The following CD96 variants were observed in gnomAD, a reference collection of about 807,000 sequenced individuals.
CD96 encodes the protein CD96 molecule.
CD96 carries 70 observed loss-of-function variants against 71.3 expected under a neutral mutation model. The ratio of observed to expected loss-of-function variants is 0.98; its 90% CI spans 0.81 to 1.20. The LOEUF (loss-of-function observed/expected upper bound fraction) is 1.20. Ranked by LOEUF, CD96 falls within the 50% of genes most tolerant of loss-of-function variation. The pLI, the probability that CD96 is intolerant of heterozygous loss-of-function variation, is 0.00. For missense variants in CD96, 742 were observed against 677.5 expected (o/e 1.10, Z -1.06); for synonymous variants, 248 against 233.0 (o/e 1.06, Z -0.59).
chr3:111,563,409 C>A (rs966537829), intron 2 of CD96, among the ~76,000 whole-genome samples: 1 of 152,208 alleles, frequency 6.6e-6, no homozygotes, highest in African/African-American at 2.4e-5. Flanking sequence ...TTGCAACCAG[C>A]TCCATGTGGC....
intron 2 of CD96, among the ~76,000 whole-genome samples, chr3:111,550,157 A>G (rs1934623132): frequency 6.6e-6 from 1 of 152,212 alleles, no homozygotes; most frequent in African/African-American, 2.4e-5. Flanking sequence ...AGGAATAGCC[A>G]TCAATTATAA....
At chr3:111,554,689 G>A (rs996859510) in intron 2 of CD96, among the ~76,000 whole-genome samples, 6 of 152,002 alleles carry the variant, frequency 3.9e-5, no homozygotes, top group African/African-American at 1.2e-4. Flanking sequence ...ACTAGGTACC[G>A]GCATGGAAGA....
intron 8 of CD96, among the ~76,000 whole-genome samples, chr3:111,615,582 G>C (rs894617557): frequency 6.6e-6 from 1 of 152,160 alleles, no homozygotes; most frequent in Non-Finnish European, 1.5e-5. Context: ...TTTGTCTAAG[G>C]GGTGTGTGTG....
chr3:111,587,239 T>A (rs760212272), intron 5 of CD96, among the ~76,000 whole-genome samples: 2 of 152,248 alleles, frequency 1.3e-5, no homozygotes, highest in Non-Finnish European at 2.9e-5. Context: ...CCCCTGTGGC[T>A]TTGCAGGGTA....
At chr3:111,614,746 C>T (rs1938144912) in intron 8 of CD96, among the ~76,000 whole-genome samples, 1 of 152,298 alleles carries the variant, frequency 6.6e-6, no homozygotes, top group South Asian at 2.1e-4. Context: ...GAGCCACTAA[C>T]CAACCATGGA....
intron 5 of CD96, among the ~76,000 whole-genome samples, chr3:111,587,757 T>G (rs952570811): frequency 1.3e-5 from 2 of 152,194 alleles, no homozygotes; most frequent in African/African-American, 4.8e-5. Flanking sequence ...TCTGTGCACC[T>G]ACAGGCTGAA....
At chr3:111,639,869 A>G (rs1015993879) in intron 12 of CD96, among the ~76,000 whole-genome samples, 2 of 152,306 alleles carry the variant, frequency 1.3e-5, no homozygotes, top group South Asian at 2.1e-4. Context: ...GGCTAGACCC[A>G]GAGGAGAGAC....
chr3:111,546,332 T>C (rs764797138), intron 2 of CD96, among the ~76,000 whole-genome samples: 114 of 152,280 alleles, frequency 7.5e-4, no homozygotes, highest in Non-Finnish European at 1.4e-3. Context: ...AAAGTGATTC[T>C]GGGTATACAA....
intron 2 of CD96, among the ~76,000 whole-genome samples, chr3:111,556,289 G>C: frequency 7.5e-6 from 1 of 132,644 alleles, no homozygotes; most frequent in Non-Finnish European, 1.7e-5. Flanking sequence ...GTGCCGTGCT[G>C]GTGCGCCGCA....
At chr3:111,564,082 C>T (rs565205642) in intron 2 of CD96, among the ~76,000 whole-genome samples, 9 of 152,220 alleles carry the variant, frequency 5.9e-5, no homozygotes, top group Admixed American at 1.3e-4. Flanking sequence ...TGACTTTGCT[C>T]GATACTTTTA....
chr3:111,560,249 T>C (rs994844795), intron 2 of CD96, among the ~76,000 whole-genome samples: 3 of 152,110 alleles, frequency 2.0e-5, no homozygotes, highest in Admixed American at 6.5e-5. Flanking sequence ...GATCCTGTCA[T>C]TATGATGTTA....
chr3:111,614,678 T>C (rs764134042), intron 8 of CD96, among the ~76,000 whole-genome samples: 36 of 151,956 alleles, frequency 2.4e-4, no homozygotes, highest in South Asian at 6.2e-4. Flanking sequence ...GCCTACTCTA[T>C]GGGGGAAGTG....
At chr3:111,602,336 T>A (rs1474879022) in intron 7 of CD96, among the ~76,000 whole-genome samples, 1 of 152,122 alleles carries the variant, frequency 6.6e-6, no homozygotes, top group Non-Finnish European at 1.5e-5. Flanking sequence ...ATGAATACCT[T>A]TTTAGGTAAT....
At chr3:111,610,304 C>T (rs1198463030) in intron 8 of CD96, among the ~76,000 whole-genome samples, 2 of 152,186 alleles carry the variant, frequency 1.3e-5, no homozygotes, top group African/African-American at 2.4e-5. Flanking sequence ...TGTGAAATCA[C>T]ACGATGACTT....
At chr3:111,586,327 C>G (rs576640945) in intron 5 of CD96, among the ~76,000 whole-genome samples, 1 of 152,296 alleles carries the variant, frequency 6.6e-6, no homozygotes, top group East Asian at 1.9e-4. Context: ...GCACCAATAA[C>G]ATTAAATAAC....
At chr3:111,657,483 C>T (rs894188298) in intron 14 of CD96, among the ~76,000 whole-genome samples, 12 of 151,634 alleles carry the variant, frequency 7.9e-5, no homozygotes, top group Admixed American at 6.6e-5. Context: ...CTATATACCC[C>T]AGTCTCGTGT....
chr3:111,594,270 A>G (rs1393623822), intron 5 of CD96: 3 of 1,492,172 alleles, frequency 2.0e-6, no homozygotes, highest in African/African-American at 2.8e-5. Flanking sequence ...GAACCACAAG[A>G]TTAAATATAT....
intron 3 of CD96, among the ~76,000 whole-genome samples, chr3:111,577,892 C>A (rs930045362): frequency 2.6e-5 from 4 of 152,160 alleles, no homozygotes; most frequent in Non-Finnish European, 5.9e-5. Context: ...TTACCCTTCT[C>A]CATTTTACTT....
intron 10 of CD96, among the ~76,000 whole-genome samples, chr3:111,629,819 C>T (rs992535459): frequency 6.6e-6 from 1 of 152,168 alleles, no homozygotes; most frequent in African/African-American, 2.4e-5. Flanking sequence ...CAAAGTCTCT[C>T]AGACCACAGC....
Sources: allele counts gnomAD v4.1 joint callset (sites outside exome capture counted in the v4.1 genomes callset), GRCh38; gene constraint gnomAD v4.1.1; transcripts MANE v1.5; gene names NCBI Gene and HGNC (gene_info 2026-07-23, HGNC 2026-07-21).